ANKRD33B: variants seen among roughly 807,000 people sequenced by gnomAD.
ANKRD33B encodes the protein ankyrin repeat domain 33B.
In ANKRD33B, 6 loss-of-function variants were observed where a neutral mutation model predicts 21.5. The ratio of observed to expected loss-of-function variants is 0.28; its 90% CI spans 0.15 to 0.55. The LOEUF is 0.55. Ranked by LOEUF, ANKRD33B falls within the 20% of genes least tolerant of loss-of-function variation. The pLI is 0.94. For missense variants in ANKRD33B, 698 were observed against 747.2 expected, an observed-to-expected ratio of 0.93 and a Z score of 0.77; for synonymous variants, 347 against 342.4, an observed-to-expected ratio of 1.01 and a Z score of -0.15.
intron 1 of ANKRD33B, among the ~76,000 whole-genome samples, chr5:10,571,874 A>G (rs183173913): frequency 7.0e-6 from 1 of 142,874 alleles, no homozygotes; most frequent in African/African-American, 2.6e-5. Context: ...AAGATAAGGC[A>G]TCCGTATTTT....
chr5:10,593,701 C>T (rs1235553681), intron 1 of ANKRD33B, among the ~76,000 whole-genome samples: 2 of 152,012 alleles, frequency 1.3e-5, no homozygotes, highest in African/African-American at 4.8e-5. Flanking sequence ...AACATCAGAC[C>T]CCGACTCAAT....
intron 1 of ANKRD33B, among the ~76,000 whole-genome samples, chr5:10,610,810 C>T (rs919008969): frequency 6.6e-6 from 1 of 152,126 alleles, no homozygotes; most frequent in Non-Finnish European, 1.5e-5. Flanking sequence ...TTTGGGAGGC[C>T]GAGGTGGGTG....
At chr5:10,622,511 T>A (rs888977709) in intron 2 of ANKRD33B, among the ~76,000 whole-genome samples, 3 of 152,244 alleles carry the variant, frequency 2.0e-5, no homozygotes, top group Admixed American at 6.5e-5. Flanking sequence ...ATGCAGTCTC[T>A]CCAGATTTCA....
At chr5:10,617,668 C>T (rs1736315395) in intron 1 of ANKRD33B, among the ~76,000 whole-genome samples, 2 of 152,156 alleles carry the variant, frequency 1.3e-5, no homozygotes, top group Non-Finnish European at 2.9e-5. Context: ...GGACACTCCC[C>T]CTACTCAGGG....
At chr5:10,613,889 A>G (rs1441738625) in intron 1 of ANKRD33B, among the ~76,000 whole-genome samples, 2 of 137,866 alleles carry the variant, frequency 1.5e-5, no homozygotes, top group Non-Finnish European at 3.1e-5. Flanking sequence ...ACAGAGAGAG[A>G]CTCCATCTCA....
chr5:10,650,704 G>A lies in ANKRD33B; in HGVS notation c.*591G>A, dbSNP rs1737330454. 1 of 152,352 alleles carries A rather than the reference G, an allele frequency of 6.6e-6. No individual in the cohort carries two copies. The highest frequency in any genetic ancestry group is 2.4e-5 in the African/African-American group (1 of 41,452). The allele number at this position is 152,352 out of a possible 1,614,324, so 9.4% of individuals were successfully genotyped here. ...GTGTTGCCGGATATTTCTATTTGAC[G>A]GAGGCATTGGCTCGTTGAGCCACAT... On this transcript the variant is annotated 3_prime_UTR_variant, in exon 4 of 4. Transcript: ENST00000296657.
At chr5:10,641,873 A>T (rs1039487075) in intron 3 of ANKRD33B, among the ~76,000 whole-genome samples, 3 of 152,178 alleles carry the variant, frequency 2.0e-5, no homozygotes, top group Admixed American at 1.3e-4. Flanking sequence ...GTTTTATTTT[A>T]AAAAAACGAG....
chr5:10,568,732 A>G (rs1277477167), intron 1 of ANKRD33B, among the ~76,000 whole-genome samples: 7 of 152,214 alleles, frequency 4.6e-5, no homozygotes, highest in Non-Finnish European at 4.4e-5. Flanking sequence ...ACAGGGTTTC[A>G]TCATGATGGC....
At chr5:10,591,194 G>GTTTTTTTTTTTTTTTTTTTTTTTTTTTT (rs749837253) in intron 1 of ANKRD33B, among the ~76,000 whole-genome samples, 1 of 113,456 alleles carries the variant, frequency 8.8e-6, no homozygotes. Context: ...TTTTTTTAGT[G>GTTTTTTTTTTTTTTTTTTTTTTTTTTTT]GTTTTTTTTT....
At chr5:10,646,557 C>A (rs1463632225) in intron 3 of ANKRD33B, among the ~76,000 whole-genome samples, 4 of 152,178 alleles carry the variant, frequency 2.6e-5, no homozygotes, top group Non-Finnish European at 4.4e-5. Context: ...TTGGACAGAT[C>A]TTCCTCTGGT....
chr5:10,627,897 T>A (rs552067353), intron 2 of ANKRD33B: 3 of 152,264 alleles, frequency 2.0e-5, no homozygotes, highest in Non-Finnish European at 2.9e-5. Context: ...CTCAGCCAGC[T>A]TGGGGCTTGC....
intron 1 of ANKRD33B, among the ~76,000 whole-genome samples, chr5:10,589,270 C>G (rs1735633631): frequency 6.6e-6 from 1 of 151,362 alleles, no homozygotes; most frequent in Non-Finnish European, 1.5e-5. Flanking sequence ...CTGGATGGCT[C>G]CTCCCCTCTT....
chr5:10,604,190 CTTTT>C (rs374461177), intron 1 of ANKRD33B, among the ~76,000 whole-genome samples: 3,693 of 99,330 alleles, frequency 0.037, 196 homozygotes, highest in African/African-American at 0.13. Flanking sequence ...CCGCGCCTGG[CTTTT>C]TTTTTTTTTT....
intron 2 of ANKRD33B, among the ~76,000 whole-genome samples, chr5:10,631,308 T>G (rs1373705094): frequency 1.3e-5 from 2 of 152,052 alleles, no homozygotes; most frequent in African/African-American, 4.8e-5. Flanking sequence ...CTGCAAGGAA[T>G]GAGAGGTTGA....
intron 1 of ANKRD33B, among the ~76,000 whole-genome samples, chr5:10,602,439 C>A (rs1044293848): frequency 3.3e-5 from 5 of 152,234 alleles, no homozygotes; most frequent in African/African-American, 1.2e-4. Flanking sequence ...GTTGTTAATT[C>A]TGCATCCATT....
chr5:10,626,206 G>A (rs1579744035), intron 2 of ANKRD33B, among the ~76,000 whole-genome samples: 1 of 152,242 alleles, frequency 6.6e-6, no homozygotes, highest in African/African-American at 2.4e-5. Context: ...AAACTGGGCA[G>A]GTGCTGTTGG....
In ANKRD33B at chr5:10,606,730, CT is replaced by C. The variant is rs770615117; in HGVS notation, c.367-11587del. Reference sequence around the variant, plus strand: ...GCCTGGCGACAGAGCAAGACTCTGTCTTTTTTTTTTTTTTTTGAGGTGGAGT... The same window carrying C: ...GCCTGGCGACAGAGCAAGACTCTGTCTTTTTTTTTTTTTTTGAGGTGGAGT... On this transcript the variant is annotated intron_variant, in intron 1 of 3. Transcript: ENST00000296657. Among the ~76,000 whole-genome samples the C allele has an allele frequency of 9.2e-3, 1,257 of 136,182 alleles. 11 individuals are homozygous for C. Among genetic ancestry groups the C allele is most frequent in the East Asian group, 0.028 (120 of 4,214 alleles). 89.3% of individuals were successfully genotyped at this position (136,182 alleles called of 152,430 possible). A position where few individuals can be genotyped will look rare whatever the true frequency, so the allele number is the denominator to read the frequency against.
At chr5:10,573,235 G>A (rs1161889417) in intron 1 of ANKRD33B, among the ~76,000 whole-genome samples, 2 of 152,160 alleles carry the variant, frequency 1.3e-5, no homozygotes, top group Non-Finnish European at 2.9e-5. Flanking sequence ...TTGGGAGGCC[G>A]AGGTGGGCAG....
chr5:10,618,984 A>G (rs1324502413), intron 2 of ANKRD33B, among the ~76,000 whole-genome samples: 2 of 152,200 alleles, frequency 1.3e-5, no homozygotes, highest in Admixed American at 6.5e-5. Context: ...GCGGGTATCC[A>G]AGCATGTGGC....
Sources: gnomAD v4.1 joint callset for allele counts (sites outside exome capture counted in the v4.1 genomes callset) on GRCh38, gnomAD v4.1.1 for gene constraint, MANE v1.5 for transcripts, NCBI Gene and HGNC (gene_info 2026-07-23, HGNC 2026-07-21) for gene names.